The following PAQR5 variants were observed in gnomAD, a reference collection of about 807,000 sequenced individuals.
PAQR5 encodes progestin and adipoQ receptor family member 5.
PAQR5 carries 20 observed loss-of-function variants against 34.5 expected under a neutral mutation model. That is an observed-to-expected ratio of 0.58 (90% CI 0.41 to 0.84). The LOEUF (loss-of-function observed/expected upper bound fraction) is 0.84, where lower values mean the gene tolerates loss of function less well. PAQR5 is among the 40% of genes least tolerant of loss of function. The pLI is 0.00. For missense variants in PAQR5, 378 were observed against 412.7 expected (o/e 0.92, Z 0.73); for synonymous variants, 131 against 155.6 (o/e 0.84, Z 1.18).
chr15:69,320,789 T>G (rs1040471569), intron 1 of PAQR5, among the ~76,000 whole-genome samples: 2 of 152,204 alleles, frequency 1.3e-5, no homozygotes, highest in African/African-American at 4.8e-5. Flanking sequence ...AGGGATACTA[T>G]TTGATCCCTT....
intron 2 of PAQR5, among the ~76,000 whole-genome samples, chr15:69,341,154 T>C (rs1253994817): frequency 6.6e-6 from 1 of 151,976 alleles, no homozygotes; most frequent in Non-Finnish European, 1.5e-5. Flanking sequence ...ACGTATCCCT[T>C]AAACACTAAT....
At chr15:69,344,803 A>C (rs1381639558) in intron 2 of PAQR5, among the ~76,000 whole-genome samples, 1 of 152,222 alleles carries the variant, frequency 6.6e-6, no homozygotes. Flanking sequence ...TTTCTATGAA[A>C]TATGAGTGGA....
At chr15:69,371,660 TG>T (rs1465087310) in intron 3 of PAQR5, among the ~76,000 whole-genome samples, 1 of 152,198 alleles carries the variant, frequency 6.6e-6, no homozygotes, top group Non-Finnish European at 1.5e-5. Flanking sequence ...GAGACATTTT[TG>T]TTTCCTTTTT....
At chr15:69,378,271 A>AAAAAAAAAAAAAAAAAAAAAAG (rs1203667228) in intron 3 of PAQR5, among the ~76,000 whole-genome samples, 2 of 144,452 alleles carry the variant, frequency 1.4e-5, no homozygotes, top group African/African-American at 5.2e-5. Context: ...TCTTAAAAAA[A>AAAAAAAAAAAAAAAAAAAAAAG]AAAAAAAAAA....
intron 6 of PAQR5, chr15:69,391,567 A>T (rs556656700): frequency 6.9e-6 from 3 of 437,542 alleles, no homozygotes; most frequent in African/African-American, 4.1e-5. Context: ...ACCTGGGTGC[A>T]TGGGCTTGTG....
At chr15:69,397,754 AAAAT>A (rs1355465718) in intron 7 of PAQR5, 190 bp downstream of exon 7, 2 of 606,192 alleles carry the variant, frequency 3.3e-6, no homozygotes, top group Non-Finnish European at 5.9e-6. Context: ...AGAGACTGAG[AAAAT>A]AAATAAGAAG....
chr15:69,303,592 T>G (rs2053651219), intron 1 of PAQR5, among the ~76,000 whole-genome samples: 1 of 110,790 alleles, frequency 9.0e-6, no homozygotes. Context: ...AATCAATCAA[T>G]CAATCAATCA....
At chr15:69,363,536 G>GTT (rs1226447954) in intron 3 of PAQR5, among the ~76,000 whole-genome samples, 1,497 of 81,900 alleles carry the variant, frequency 0.018, 302 homozygotes, top group East Asian at 0.066. Flanking sequence ...TTGCTAATCT[G>GTT]TTTTTTGTTT....
chr15:69,386,052 C>A (rs1473903435), intron 5 of PAQR5, among the ~76,000 whole-genome samples: 1 of 151,564 alleles, frequency 6.6e-6, no homozygotes, highest in Non-Finnish European at 1.5e-5. Flanking sequence ...CTCACATGCA[C>A]ATACACATAC....
rs763745141 is a variant in PAQR5, at chr15:69,322,739, A to C, written c.-276-14602A>C. ...AAGAAGAAGAAGAAGAAGAAGAAGA[A>C]GAAGAAGAAGAAGAAGAAGAAGAAG... is the stretch of plus-strand genomic sequence containing the variant. On this transcript the variant is annotated intron_variant, in intron 1 of 8. Coordinates refer to ENST00000395407, the MANE Select transcript of PAQR5 (RefSeq NM_017705.4). Among the ~76,000 whole-genome samples, 18 of 31,036 alleles carry C rather than the reference A, an allele frequency of 5.8e-4. 4 individuals carry two copies. The highest frequency in any genetic ancestry group is 0.022 in the Middle Eastern group (2 of 92). 20.4% of individuals were successfully genotyped at this position (31,036 alleles called of 152,430 possible). A position where few individuals can be genotyped will look rare whatever the true frequency, so the allele number is the denominator to read the frequency against.
At chr15:69,322,984 G>T (rs1014611681) in intron 1 of PAQR5, among the ~76,000 whole-genome samples, 1 of 142,456 alleles carries the variant, frequency 7.0e-6, no homozygotes, top group Middle Eastern at 3.5e-3. Context: ...CAGGCATATG[G>T]CAAGGCTGGT....
At chr15:69,396,452 C>A (rs1339073217) in intron 6 of PAQR5, among the ~76,000 whole-genome samples, 1 of 152,098 alleles carries the variant, frequency 6.6e-6, no homozygotes, top group East Asian at 1.9e-4. Flanking sequence ...TCAGAACAGC[C>A]ATCCCAAGAG....
chr15:69,401,695 T>C (rs553534161), intron 8 of PAQR5, among the ~76,000 whole-genome samples: 1 of 152,328 alleles, frequency 6.6e-6, no homozygotes, highest in Non-Finnish European at 1.5e-5. Flanking sequence ...TCCTAGAAAA[T>C]AGTTCATGAC....
At chr15:69,330,836 G>C (rs529026202) in intron 1 of PAQR5, among the ~76,000 whole-genome samples, 9 of 152,302 alleles carry the variant, frequency 5.9e-5, no homozygotes, top group Admixed American at 3.9e-4. Context: ...AATCGGCTTT[G>C]TCTAGGCAGC....
In PAQR5 at chr15:69,404,761, G is replaced by C. The variant is rs1171683989; in HGVS notation, c.*939G>C. On this transcript the variant is annotated 3_prime_UTR_variant, in exon 9 of 9. Coordinates refer to ENST00000395407, the MANE Select transcript of PAQR5 (RefSeq NM_017705.4). ...AGAAGTTAATCACCTTGCCAGTGGG[G>C]TGGTCACATATAGTGTTCTCAAGCT... 1 of 395,338 alleles carries C rather than the reference G, an allele frequency of 2.5e-6. No individual in the cohort carries two copies. The highest frequency in any genetic ancestry group is 3.6e-5 in the East Asian group (1 of 27,932). The allele number at this position is 395,338 out of a possible 1,614,324, so 24.5% of individuals were successfully genotyped here. A position where few individuals can be genotyped will look rare whatever the true frequency, so the allele number is the denominator to read the frequency against.
intron 1 of PAQR5, among the ~76,000 whole-genome samples, chr15:69,299,988 A>G (rs912888931): frequency 9.2e-5 from 14 of 152,208 alleles, no homozygotes; most frequent in African/African-American, 3.4e-4. Flanking sequence ...GAAGACAAGG[A>G]GGCCCAACAA....
chr15:69,356,838 A>G (rs2055090796), intron 2 of PAQR5, among the ~76,000 whole-genome samples: 2 of 152,186 alleles, frequency 1.3e-5, no homozygotes, highest in Non-Finnish European at 1.5e-5. Flanking sequence ...TTAAGGATGA[A>G]TAATATTCCA....
At position 69,329,200 on chromosome 15, in the gene PAQR5, C is replaced by T. The variant is rs528516467; in HGVS notation, c.-276-8141C>T. ...TGTTGAAAGCCATAGCCCTTGTCCC[C>T]AGTGACACACACACATATACACTCA... On this transcript the variant is annotated intron_variant, in intron 1 of 8. Transcript: ENST00000395407. Among the ~76,000 whole-genome samples the T allele has an allele frequency of 1.1e-4, 16 of 152,276 alleles. 2 individuals are homozygous for T. In the South Asian group the frequency reaches 3.3e-3, roughly 32 times the overall value.
At chr15:69,331,023 G>T (rs1423309054) in intron 1 of PAQR5, among the ~76,000 whole-genome samples, 1 of 152,138 alleles carries the variant, frequency 6.6e-6, no homozygotes, top group East Asian at 1.9e-4. Flanking sequence ...GTACTGGTGG[G>T]GCACTGCCAA....
Sources: allele counts gnomAD v4.1 joint callset (sites outside exome capture counted in the v4.1 genomes callset), GRCh38; gene constraint gnomAD v4.1.1; transcripts MANE v1.5; gene names NCBI Gene and HGNC (gene_info 2026-07-23, HGNC 2026-07-21).